BAIAP3: variants seen among roughly 807,000 people sequenced by gnomAD.
The protein encoded by BAIAP3 is BAI1-associated protein 3.
Under a neutral mutation model 149.7 loss-of-function variants are expected in BAIAP3, and 180 were observed. That is an observed-to-expected ratio of 1.20 (90% CI 1.07 to 1.36). The LOEUF is 1.36. BAIAP3 is among the 40% of genes most tolerant of loss of function. BAIAP3 has a pLI of 0.00. For synonymous variants in BAIAP3, 845 were observed against 670.7 expected (o/e 1.26, Z -4.02); for missense variants, 1,767 against 1,563.4 (o/e 1.13, Z -2.20).
At chr16:1,341,581 C>A (rs1292733950) in intron 8 of BAIAP3, 92 bp downstream of exon 8, 1 of 1,468,812 alleles carries the variant, frequency 6.8e-7, no homozygotes, top group African/African-American at 1.4e-5. Context: ...CGCAGCAGCT[C>A]CCGGTCTCTT....
intron 17 of BAIAP3, 66 bp from the exon 18 acceptor site, chr16:1,344,403 G>A (rs954625802): frequency 2.9e-5 from 46 of 1,609,992 alleles, no homozygotes; most frequent in African/African-American, 1.1e-4. Flanking sequence ...TCTGCACCAC[G>A]GTCTCTTGCC....
At chr16:1,347,667 C>T in intron 30 of BAIAP3, 34 bp from the exon 31 acceptor site, 2 of 1,612,704 alleles carry the variant, frequency 1.2e-6, no homozygotes, top group South Asian at 1.1e-5. Flanking sequence ...CCGAGGCTCC[C>T]AGAGCCCAGC....
At position 1,348,455 on chromosome 16, in the gene BAIAP3, G is replaced by A. The variant is rs2034544426; in HGVS notation, c.3432G>A (p.Leu1144=). The change falls in exon 34 of 34, where the codon CTG becomes CTA. Residue 1144 remains leucine, a synonymous_variant. Coordinates refer to ENST00000426824, the MANE Select transcript of BAIAP3 (RefSeq NM_001199097.2). ...AGTTCGTGAAGAAACTCAAGGAGCT[G>A]GAGAAGTGCATGGAGGCGGACCCCT... is the stretch of plus-strand genomic sequence containing the variant. ...AQEFVKKLKE[L]EKCMEADP 6.2e-7 allele frequency: 1 copy of A among 1,612,052 alleles called. No individual in the cohort carries two copies. Among genetic ancestry groups the A allele is most frequent in the Non-Finnish European group, 8.5e-7 (1 of 1,179,620 alleles).
chr16:1,345,590 C>CCCGCAACCCCAGCCTCCT, intron 22 of BAIAP3, 157 bp from the exon 23 acceptor site: 1 of 341,532 alleles, frequency 2.9e-6, no homozygotes, highest in Non-Finnish European at 4.7e-6. Context: ...CCCAGCCTCC[C>CCCGCAACCCCAGCCTCCT]CCGCAACCCC....
Position 1,348,627 on chromosome 16 carries a change from G to A in BAIAP3, c.*145G>A, listed in dbSNP as rs2034557663. The A allele has an allele frequency of 1.8e-5, 14 of 788,852 alleles. No individual in the cohort carries two copies. The highest frequency in any genetic ancestry group is 2.7e-5 in the Non-Finnish European group (13 of 486,334). 48.9% of individuals were successfully genotyped at this position (788,852 alleles called of 1,614,324 possible). ...TGTGTGTCGTGGCTGGCCCCGCGGC[G>A]CCTACCGCCCTGGCCGTGTCTGTCT... On this transcript the variant is annotated 3_prime_UTR_variant, in exon 34 of 34. Transcript: ENST00000426824.
chr16:1,347,794 G>T lies in BAIAP3; in HGVS notation c.2998G>T (p.Ala1000Ser). The change falls in exon 31 of 34, where the codon GCG (alanine) becomes TCG (serine). Residue 1000 changes from alanine (A) to serine (S), a missense_variant. Transcript: ENST00000426824. ...QRLAVEVLHAADLLPLDANGL... is the reference protein window; with the variant it reads ...QRLAVEVLHASDLLPLDANGL... The stretch of plus-strand genomic sequence containing the variant: ...GCTGGCCGTGGAGGTGCTGCACGCC[G>T]CGGACCTGCTCCCCCTGGACGCCAA... 6.2e-7 allele frequency: 1 copy of T among 1,607,486 alleles called. No individual in the cohort carries two copies. Among genetic ancestry groups the T allele is most frequent in the Non-Finnish European group, 8.5e-7 (1 of 1,176,120 alleles).
chr16:1,342,680 G>C lies in BAIAP3; in HGVS notation c.1066-39G>C, dbSNP rs774117561. Reference sequence around the variant, plus strand: ...CGTCCTCCACCCCCGTCCTTGGGGCGGGGGCAGAGCTGGTGACTGGGTGGG... The same window carrying C: ...CGTCCTCCACCCCCGTCCTTGGGGCCGGGGCAGAGCTGGTGACTGGGTGGG... On this transcript the variant is annotated intron_variant, in intron 12 of 33. Coordinates refer to ENST00000426824, the MANE Select transcript of BAIAP3 (RefSeq NM_001199097.2). The C allele has an allele frequency of 8.1e-6, 13 of 1,610,782 alleles. No homozygotes were observed. In the South Asian group the frequency reaches 1.3e-4, roughly 16 times the overall value.
chr16:1,348,761 A>G lies in BAIAP3; in HGVS notation c.*279A>G. On this transcript the variant is annotated 3_prime_UTR_variant, in exon 34 of 34. Coordinates refer to ENST00000426824, the MANE Select transcript of BAIAP3 (RefSeq NM_001199097.2). ...AGTGCAGGCCAGAGCGGGCTTGACC[A>G]CCTGGTGGGCCTCCCTGCCCGCTTC... The G allele has an allele frequency of 2.0e-6, 1 of 507,368 alleles. No homozygotes were observed. The highest frequency in any genetic ancestry group is 3.5e-6 in the Non-Finnish European group (1 of 282,344). The allele number at this position is 507,368 out of a possible 1,614,324, so 31.4% of individuals were successfully genotyped here. A position where few individuals can be genotyped will look rare whatever the true frequency, so the allele number is the denominator to read the frequency against.
rs1433368718 is a variant in BAIAP3, at chr16:1,343,217, G to C, written c.1266-176G>C. 52 of 1,139,572 alleles carry C rather than the reference G, an allele frequency of 4.6e-5. No homozygotes were observed. In the East Asian group the frequency reaches 1.3e-3, roughly 29 times the overall value. 70.6% of individuals were successfully genotyped at this position (1,139,572 alleles called of 1,614,324 possible). On this transcript the variant is annotated intron_variant, in intron 14 of 33. Transcript: ENST00000426824. ...GGTAGGTGAGGCAGCGAAAGGGGCGGTGCCATGAGTAGGTACGGCAGCGCT... is the reference window on the plus strand; with the variant it reads ...GGTAGGTGAGGCAGCGAAAGGGGCGCTGCCATGAGTAGGTACGGCAGCGCT...
rs2033277996 is a variant in BAIAP3, at chr16:1,333,700, G to A, written c.-60G>A. ...GCTGTGCCTCGGCGTCCCCGAGCTGGTGCCGAGCGCAGCGCCCCAGGAGCC... is the reference window on the plus strand; with the variant it reads ...GCTGTGCCTCGGCGTCCCCGAGCTGATGCCGAGCGCAGCGCCCCAGGAGCC... On this transcript the variant is annotated 5_prime_UTR_variant, in exon 1 of 34. The change creates a new upstream start codon in the 5' untranslated region. Transcript: ENST00000426824. The A allele has an allele frequency of 6.8e-6, 1 of 147,026 alleles. No individual in the cohort carries two copies. Among genetic ancestry groups the A allele is most frequent in the African/African-American group, 2.6e-5 (1 of 38,700 alleles). The allele number at this position is 147,026 out of a possible 1,614,324, so 9.1% of individuals were successfully genotyped here.
chr16:1,339,073 C>G, intron 3 of BAIAP3, 84 bp downstream of exon 3: 1 of 1,598,744 alleles, frequency 6.3e-7, no homozygotes, highest in Admixed American at 1.7e-5. Flanking sequence ...CCTGCCCTCG[C>G]TCCCACCTCC....
intron 1 of BAIAP3, 91 bp from the exon 2 acceptor site, chr16:1,338,449 T>TCCC: frequency 1.0e-5 from 3 of 285,972 alleles, no homozygotes; most frequent in Non-Finnish European, 1.4e-5. Flanking sequence ...CCCCACCTCT[T>TCCC]CCCGCCCCAC....
At chr16:1,340,896 C>T in intron 5 of BAIAP3, 26 bp from the exon 6 acceptor site, 1 of 1,556,852 alleles carries the variant, frequency 6.4e-7, no homozygotes, top group Non-Finnish European at 8.7e-7. Context: ...TTGCCTAGGC[C>T]CTGCCAACCC....
intron 29 of BAIAP3, 48 bp downstream of exon 29, chr16:1,347,417 G>C (rs2034453148): frequency 1.9e-6 from 3 of 1,604,170 alleles, no homozygotes; most frequent in Non-Finnish European, 2.6e-6. Flanking sequence ...AGGGGACTGA[G>C]TTCAAACTGC....
chr16:1,345,082 G>A lies in BAIAP3; in HGVS notation c.1923G>A (p.Trp641Ter). Reference sequence around the variant, plus strand: ...CCCTGGCTGACCTCCAGCGCTTCTGGGATAGCATCCCTGGCCGGTGGGTGC... The same window carrying A: ...CCCTGGCTGACCTCCAGCGCTTCTGAGATAGCATCCCTGGCCGGTGGGTGC... ...YLTLADLQRF[W>*]DSIPGRDSRS... The change falls in exon 21 of 34, where the codon TGG becomes TGA. Residue 641 changes from tryptophan to a stop codon, truncating the protein, a stop_gained. Coordinates refer to ENST00000426824, the MANE Select transcript of BAIAP3 (RefSeq NM_001199097.2). LOFTEE classifies it high-confidence loss of function. The A allele has an allele frequency of 1.9e-6, 3 of 1,612,562 alleles. No homozygotes were observed. The highest frequency in any genetic ancestry group is 2.5e-6 in the Non-Finnish European group (3 of 1,179,992).
intron 27 of BAIAP3, 40 bp from the exon 28 acceptor site, chr16:1,346,791 GGTGGGGCCAGCGGGGC>G (rs1332238956): frequency 7.7e-5 from 29 of 378,184 alleles, no homozygotes; most frequent in Non-Finnish European, 4.7e-5. Flanking sequence ...CCATTCTGCA[GGTGGGGCCAGCGGGGC>G]AGGTGGGGCT....
At chr16:1,339,679 C>A in intron 5 of BAIAP3, 76 bp downstream of exon 5, 2 of 1,165,168 alleles carry the variant, frequency 1.7e-6, no homozygotes, top group Non-Finnish European at 1.3e-6. Context: ...CTGACACCAT[C>A]ATCACCCAAA....
chr16:1,348,405 G>A lies in BAIAP3; in HGVS notation c.3382G>A (p.Gly1128Ser), dbSNP rs140483333. ...QVRSALRRLE[G>S]RTSKEAQEFV... ...GAGATCTGCGCTGAGGAGGCTGGAA[G>A]GCCGCACCAGCAAGGAGGCGCAGGA... Residue 1128 changes from glycine to serine, a missense_variant, in exon 34 of 34, where the codon GGC becomes AGC. Coordinates refer to ENST00000426824, the MANE Select transcript of BAIAP3 (RefSeq NM_001199097.2). The A allele has an allele frequency of 6.2e-7, 1 of 1,612,696 alleles. No homozygotes were observed. The highest frequency in any genetic ancestry group is 8.5e-7 in the Non-Finnish European group (1 of 1,179,838).
chr16:1,334,406 G>C (rs979577187), intron 1 of BAIAP3: 1 of 543,094 alleles, frequency 1.8e-6, no homozygotes, highest in Non-Finnish European at 3.3e-6. Context: ...AGAACTGGGG[G>C]TGTGGCTCCT....
Sources: gnomAD v4.1 joint callset for allele counts on GRCh38, gnomAD v4.1.1 for gene constraint, MANE v1.5 for transcripts, NCBI Gene and HGNC (gene_info 2026-07-23, HGNC 2026-07-21) for gene names.